The following CAPN15 variants were observed in gnomAD, a reference collection of about 807,000 sequenced individuals.
CAPN15 encodes calpain 15.
Under a neutral mutation model 97.9 loss-of-function variants are expected in CAPN15, and 53 were observed. The observed-to-expected ratio is 0.54, with a 90% CI of 0.43 to 0.68. The LOEUF is 0.68. CAPN15 is among the 30% of genes least tolerant of loss of function. CAPN15 has a pLI of 0.00. For synonymous variants in CAPN15, 922 were observed against 722.5 expected, an observed-to-expected ratio of 1.28 and a Z score of -4.43; for missense variants, 1,592 against 1,589.8, an observed-to-expected ratio of 1.00 and a Z score of -0.02.
intron 2 of CAPN15, 120 bp downstream of exon 2, chr16:534,118 C>A: frequency 4.4e-6 from 1 of 225,354 alleles, no homozygotes; most frequent in Non-Finnish European, 5.3e-6. Context: ...CCTTGATTCA[C>A]AGAACCCCTG....
chr16:548,157 T>C lies in CAPN15; in HGVS notation c.1319T>C (p.Leu440Pro). ...TGCGCCGCCTGCCACACGCCTCAGC[T>C]CCTGGTGGCCCAGCGGCGGGGGGCC... ...KHCAACHTPQ[L>P]LVAQRRGAAP... The change falls in exon 4 of 14, where the codon CTC becomes CCC. Residue 440 changes from leucine (L) to proline (P), a missense_variant. Leu to Pro is a moderately conservative substitution (Grantham distance 98). This residue lies in a region of CAPN15 where 883 missense variants were observed against 776.6 expected (regional missense o/e 1.14). Transcript: ENST00000219611. 2.6e-6 allele frequency: 4 copies of C among 1,538,040 alleles called. No homozygotes were observed. The highest frequency in any genetic ancestry group is 3.5e-6 in the Non-Finnish European group (4 of 1,143,436).
intron 3 of CAPN15, among the ~76,000 whole-genome samples, chr16:541,127 G>A (rs1019881403): frequency 3.9e-5 from 6 of 152,268 alleles, no homozygotes; most frequent in African/African-American, 9.6e-5. Context: ...CACGGGGGAC[G>A]ATGTCCTGCT....
chr16:549,157 A>G lies in CAPN15; in HGVS notation c.1614A>G (p.Thr538=), dbSNP rs754818293. 5.1e-6 allele frequency: 8 copies of G among 1,578,762 alleles called. No individual in the cohort carries two copies. The East Asian group carries it at 1.9e-4, about 38-fold the overall frequency. ...DHRATWSVFH[T]LRPSDILQGL... ...GGGCCACGTGGTCTGTGTTCCACAC[A>G]CTGCGGCCCTCAGACATCCTGCAGG... The change falls in exon 5 of 14, where the codon ACA becomes ACG. Residue 538 remains threonine, a synonymous_variant. Transcript: ENST00000219611.
At position 547,031 on chromosome 16, in the gene CAPN15, G is replaced by A. The variant is rs762390712; in HGVS notation, c.193G>A (p.Glu65Lys). ...FRNFLGKEAC[E>K]VCGFTPEPAP... is the part of the protein sequence containing the mutation. Reference sequence around the variant, plus strand: ...CAACTTCCTGGGCAAGGAGGCCTGCGAGGTGTGCGGCTTCACCCCGGAGCC... The same window carrying A: ...CAACTTCCTGGGCAAGGAGGCCTGCAAGGTGTGCGGCTTCACCCCGGAGCC... Residue 65 changes from glutamate to lysine, a missense_variant, in exon 4 of 14, where the codon GAG (glutamate) becomes AAG (lysine). Glu to Lys is a moderately conservative substitution (Grantham distance 56, BLOSUM62 1). This residue lies in a region of CAPN15 where 883 missense variants were observed against 776.6 expected (regional missense o/e 1.14). Transcript: ENST00000219611. The A allele has an allele frequency of 5.0e-6, 8 of 1,609,290 alleles. No homozygotes were observed. Among genetic ancestry groups the A allele is most frequent in the East Asian group, 2.2e-5 (1 of 44,850 alleles).
At chr16:537,051 C>T (rs941475893) in intron 3 of CAPN15, 7 of 718,414 alleles carry the variant, frequency 9.7e-6, no homozygotes, top group East Asian at 1.3e-4. Flanking sequence ...GATCCCCTGG[C>T]GTGTGCTGGA....
chr16:536,393 C>T (rs1284886849), intron 3 of CAPN15, among the ~76,000 whole-genome samples: 1 of 151,580 alleles, frequency 6.6e-6, no homozygotes, highest in African/African-American at 2.4e-5. Context: ...AAATGCAGTT[C>T]CCTCCCTCTA....
chr16:553,762 A>C lies in CAPN15; in HGVS notation c.*246A>C. On this transcript the variant is annotated 3_prime_UTR_variant, in exon 14 of 14. Coordinates refer to ENST00000219611, the MANE Select transcript of CAPN15 (RefSeq NM_005632.3). ...ATACCTCGAACCAGGCGGGCTGTGA[A>C]CCAGCCCCGCTCACCTGCCAGCCCC... 6 of 362,102 alleles carry C rather than the reference A, an allele frequency of 1.7e-5. No homozygotes were observed. The highest frequency in any genetic ancestry group is 9.6e-5 in the East Asian group (2 of 20,748). The allele number at this position is 362,102 out of a possible 1,614,324, so 22.4% of individuals were successfully genotyped here.
In CAPN15 at chr16:536,003, G is replaced by GCCCCCCCCCCC. The variant is rs34150277; in HGVS notation, c.-136-21_-136-11dup. On this transcript the variant is annotated intron_variant, in intron 2 of 13. Coordinates refer to ENST00000219611, the MANE Select transcript of CAPN15 (RefSeq NM_005632.3). ...CTCCTTGGTGACAGTGCCCCTGCAC[G>GCCCCCCCCCCC]CCCCCCCCCCCCCCCGGTTATTCAG... is the stretch of plus-strand genomic sequence containing the variant. 7.6e-4 allele frequency: 26 copies of GCCCCCCCCCCC among 34,072 alleles called. 7 individuals carry two copies. The highest frequency in any genetic ancestry group is 1.9e-3 in the South Asian group (2 of 1,054). 2.1% of individuals were successfully genotyped at this position (34,072 alleles called of 1,614,324 possible).
intron 3 of CAPN15, among the ~76,000 whole-genome samples, chr16:544,881 G>A (rs1480240130): frequency 1.3e-4 from 12 of 92,860 alleles, no homozygotes; most frequent in Non-Finnish European, 2.2e-4. Flanking sequence ...CCCTCACGTC[G>A]TCGTCTCCCC....
chr16:547,054 G>C lies in CAPN15; in HGVS notation c.216G>C (p.Glu72Asp), dbSNP rs764712845. Reference sequence around the variant, plus strand: ...GCGAGGTGTGCGGCTTCACCCCGGAGCCTGCGCCTGGGGCTGCCTTCCTGC... The same window carrying C: ...GCGAGGTGTGCGGCTTCACCCCGGACCCTGCGCCTGGGGCTGCCTTCCTGC... ...EACEVCGFTP[E>D]PAPGAAFLPV... The change falls in exon 4 of 14, where the codon GAG (glutamate) becomes GAC (aspartate). Residue 72 changes from glutamate to aspartate, a missense_variant. This residue lies in a region of CAPN15 where 883 missense variants were observed against 776.6 expected (regional missense o/e 1.14). Transcript: ENST00000219611. 6.2e-7 allele frequency: 1 copy of C among 1,605,392 alleles called. No individual in the cohort carries two copies. The highest frequency in any genetic ancestry group is 1.1e-5 in the South Asian group (1 of 90,518).
At chr16:539,091 TCTCA>T (rs1243257246) in intron 3 of CAPN15, 1 of 152,226 alleles carries the variant, frequency 6.6e-6, no homozygotes, top group African/African-American at 2.4e-5. Flanking sequence ...AAAGACAGGG[TCTCA>T]CTGTGTTGCC....
At chr16:532,833 A>G (rs1473723334) in intron 1 of CAPN15, among the ~76,000 whole-genome samples, 2 of 151,050 alleles carry the variant, frequency 1.3e-5, no homozygotes, top group African/African-American at 4.9e-5. Flanking sequence ...AGCCTGGGCA[A>G]CAGAGCGAGA....
intron 1 of CAPN15, among the ~76,000 whole-genome samples, chr16:531,068 C>T (rs2033215723): frequency 1.3e-5 from 2 of 152,404 alleles, no homozygotes; most frequent in South Asian, 4.1e-4. Context: ...AGGGCCATCG[C>T]TGCTTTTTAA....
chr16:536,492 G>A (rs954086706), intron 3 of CAPN15, among the ~76,000 whole-genome samples: 11 of 151,920 alleles, frequency 7.2e-5, no homozygotes, highest in South Asian at 2.1e-4. Context: ...GCGCGGTCTC[G>A]GCTCACTGCA....
rs1406865316 is a variant in CAPN15 at position 552,372 on chromosome 16, G to A, written c.2579G>A (p.Gly860Asp). 2 of 1,601,756 alleles carry A rather than the reference G, an allele frequency of 1.2e-6. No homozygotes were observed. The highest frequency in any genetic ancestry group is 2.7e-5 in the African/African-American group (2 of 74,908). The change falls in exon 11 of 14, where the codon GGC becomes GAC. Residue 860 changes from glycine (G) to aspartate (D), a missense_variant. By Grantham distance (94) the Gly-to-Asp change is moderately conservative. Transcript: ENST00000219611. This position sits in a 1 kb window ranked among gnomAD's most constrained non-coding sequence, Gnocchi z 6.4. ...GTGTTCCGGGCCACGTTCGGCAGCG[G>A]CGGCCACCTCAGCCTGGGCCGCCTC... ...ILVFRATFGS[G>D]GHLSLGRLLA...
rs2034673814 is a variant in CAPN15 at position 547,471 on chromosome 16, C to T, written c.633C>T (p.Ala211=). 1.9e-6 allele frequency: 3 copies of T among 1,595,414 alleles called. No individual in the cohort carries two copies. Among genetic ancestry groups the T allele is most frequent in the East Asian group, 2.2e-5 (1 of 44,716 alleles). Residue 211 remains alanine (A), a synonymous_variant, in exon 4 of 14, where the codon GCC becomes GCT. Transcript: ENST00000219611. ...PPGLPGEGAE[A]NPPATSQGPA... is the part of the protein sequence containing the mutation. ...GCCTCCCCGGGGAAGGTGCCGAGGC[C>T]AACCCCCCAGCCACCAGCCAGGGCC...
At chr16:541,868 G>A (rs1389365489) in intron 3 of CAPN15, among the ~76,000 whole-genome samples, 2 of 148,532 alleles carry the variant, frequency 1.3e-5, no homozygotes, top group Non-Finnish European at 3.0e-5. Context: ...GGCTGGCTGG[G>A]TTTGCCTTGT....
intron 1 of CAPN15, among the ~76,000 whole-genome samples, chr16:533,111 C>T (rs1431321998): frequency 6.6e-6 from 1 of 152,090 alleles, no homozygotes; most frequent in Admixed American, 6.5e-5. Flanking sequence ...ATCCGAGCTA[C>T]TTGGGAGGCT....
intron 1 of CAPN15, among the ~76,000 whole-genome samples, chr16:529,749 G>A (rs1224764921): frequency 6.6e-6 from 1 of 152,178 alleles, no homozygotes; most frequent in African/African-American, 2.4e-5. Flanking sequence ...AACAGCTTGG[G>A]GTCTTTGAAA....
Sources: allele counts gnomAD v4.1 joint callset (sites outside exome capture counted in the v4.1 genomes callset), GRCh38; gene constraint gnomAD v4.1.1; regional missense constraint gnomAD v4.1.1; non-coding constraint Gnocchi (gnomAD v3.1); transcripts MANE v1.5; gene names NCBI Gene and HGNC (gene_info 2026-07-23, HGNC 2026-07-21).